The following UGT2B7 variants were observed in gnomAD, a reference collection of about 807,000 sequenced individuals.
UGT2B7 encodes UDP-glucuronosyltransferase 2B7.
Under a neutral mutation model 51.9 loss-of-function variants are expected in UGT2B7, and 51 were observed. That is an observed-to-expected ratio of 0.98 (90% CI 0.78 to 1.24). The LOEUF is 1.24. Among genes scored for constraint, UGT2B7 ranks in the 50% most tolerant of loss-of-function variants. The probability of loss-of-function intolerance (pLI) is 0.00; values close to 1 mark genes in which losing one functional copy is unlikely to be tolerated. For missense variants in UGT2B7, 727 were observed against 628.4 expected, an observed-to-expected ratio of 1.16 and a Z score of -1.68; for synonymous variants, 225 against 211.6, an observed-to-expected ratio of 1.06 and a Z score of -0.55.
chr4:69,076,171 A>G (rs1261547111), intron 1 of UGT2B7, among the ~76,000 whole-genome samples: 3 of 152,028 alleles, frequency 2.0e-5, no homozygotes, highest in Admixed American at 6.6e-5. Flanking sequence ...TCTTTATCCA[A>G]TCTATCACTG....
At chr4:69,097,657 AC>A (rs1719286790) in intron 1 of UGT2B7, among the ~76,000 whole-genome samples, 1 of 152,038 alleles carries the variant, frequency 6.6e-6, no homozygotes, top group South Asian at 2.1e-4. Flanking sequence ...TTTCTTGTAA[AC>A]TTGTTTTCTT....
chr4:69,098,583 A>G lies in UGT2B7; in HGVS notation c.765A>G (p.Val255=). The G allele has an allele frequency of 6.2e-7, 1 of 1,611,894 alleles. No individual in the cohort carries two copies. The highest frequency in any genetic ancestry group is 8.5e-7 in the Non-Finnish European group (1 of 1,178,946). ...TLSETMGKAD[V]WLIRNSWNFQ... Reference sequence around the variant, plus strand: ...CTGAGACAATGGGGAAAGCTGACGTATGGCTTATTCGAAACTCCTGGAATT... The same window carrying G: ...CTGAGACAATGGGGAAAGCTGACGTGTGGCTTATTCGAAACTCCTGGAATT... The change falls in exon 2 of 6, where the codon GTA becomes GTG. Residue 255 remains valine (V), a synonymous_variant. Transcript: ENST00000305231.
At position 69,096,745 on chromosome 4, in the gene UGT2B7, A is replaced by G; in HGVS notation, c.225A>G (p.Glu75=). The stretch of plus-strand genomic sequence containing the variant: ...ACAACTCATCCGCTCTTAAAATTGA[A>G]ATTTATCCCACATCTTTAACTAAAA... ...DPNNSSALKI[E]IYPTSLTKTE... The change falls in exon 1 of 6, where the codon GAA becomes GAG. Residue 75 remains glutamate, a synonymous_variant. Transcript: ENST00000305231. 6.2e-7 allele frequency: 1 copy of G among 1,613,980 alleles called. No homozygotes were observed. Among genetic ancestry groups the G allele is most frequent in the Non-Finnish European group, 8.5e-7 (1 of 1,179,926 alleles).
intron 1 of UGT2B7, among the ~76,000 whole-genome samples, chr4:69,074,704 TCACTG>T (rs1718666721): frequency 6.6e-6 from 1 of 152,044 alleles, no homozygotes; most frequent in Non-Finnish European, 1.5e-5. Flanking sequence ...TTAACAAAAG[TCACTG>T]CACTCTGTAA....
At chr4:69,056,031 A>G (rs1308135876) in intron 1 of UGT2B7, among the ~76,000 whole-genome samples, 2 of 151,944 alleles carry the variant, frequency 1.3e-5, no homozygotes, top group African/African-American at 4.8e-5. Context: ...CTAGATATGT[A>G]GACACAGAGC....
At chr4:69,094,362 A>G (rs1199950732), upstream of UGT2B7, among the ~76,000 whole-genome samples, 4 of 30,956 alleles carry the variant, frequency 1.3e-4, 1 homozygote, top group Admixed American at 4.9e-4. Flanking sequence ...GTTAGCCAGG[A>G]TGGTCTCGAT....
chr4:69,058,575 G>A (rs906228647), intron 1 of UGT2B7, among the ~76,000 whole-genome samples: 5 of 152,182 alleles, frequency 3.3e-5, no homozygotes, highest in Admixed American at 1.3e-4. Flanking sequence ...GTGCTTCAGG[G>A]TGCATATGAA....
intron 1 of UGT2B7, among the ~76,000 whole-genome samples, chr4:69,054,981 C>G (rs1718144180): frequency 6.6e-6 from 1 of 151,168 alleles, no homozygotes; most frequent in Non-Finnish European, 1.5e-5. Flanking sequence ...TACAATAACA[C>G]TCAGTACAAA....
intron 2 of UGT2B7, among the ~76,000 whole-genome samples, chr4:69,098,951 T>C (rs1719338121): frequency 6.6e-6 from 1 of 151,864 alleles, no homozygotes. Flanking sequence ...ATGCAATACC[T>C]AAGAAGGTAT....
intron 1 of UGT2B7, among the ~76,000 whole-genome samples, chr4:69,084,274 G>A (rs1277257462): frequency 2.6e-5 from 4 of 151,042 alleles, no homozygotes; most frequent in African/African-American, 9.8e-5. Flanking sequence ...GATTTGGTTG[G>A]CTAGAAGTTG....
chr4:69,111,868 CACA>C (rs1205024772), intron 5 of UGT2B7, among the ~76,000 whole-genome samples: 2 of 152,120 alleles, frequency 1.3e-5, no homozygotes, highest in Non-Finnish European at 2.9e-5. Flanking sequence ...AATTAAAATA[CACA>C]AATTCGATGT....
chr4:69,060,754 C>T (rs985972086), intron 1 of UGT2B7, among the ~76,000 whole-genome samples: 1 of 152,176 alleles, frequency 6.6e-6, no homozygotes, highest in African/African-American at 2.4e-5. Context: ...AGTGACAATC[C>T]AGCTACTGCA....
At chr4:69,080,184 CACA>C (rs1718804550) in intron 1 of UGT2B7, among the ~76,000 whole-genome samples, 1 of 152,032 alleles carries the variant, frequency 6.6e-6, no homozygotes. Flanking sequence ...TGTATCAAAG[CACA>C]ACAACATTAA....
At chr4:69,068,935 A>G (rs964512749) in intron 1 of UGT2B7, among the ~76,000 whole-genome samples, 6 of 152,106 alleles carry the variant, frequency 3.9e-5, no homozygotes, top group African/African-American at 7.2e-5. Flanking sequence ...TCACAATACA[A>G]GAAAAATAGT....
At chr4:69,107,144 A>C (rs757616884) in intron 3 of UGT2B7, 31 bp from the exon 4 acceptor site, 1 of 1,591,444 alleles carries the variant, frequency 6.3e-7, no homozygotes, top group South Asian at 1.1e-5. Context: ...AATTCCACTC[A>C]TGGAATAAAA....
intron 3 of UGT2B7, among the ~76,000 whole-genome samples, chr4:69,104,424 C>A (rs1240004921): frequency 4.6e-5 from 7 of 151,682 alleles, no homozygotes; most frequent in African/African-American, 1.7e-4. Context: ...TAAATATTCC[C>A]GTATGGTTAG....
rs1577921638 is a variant in UGT2B7, at chr4:69,097,335, GT to G, written c.721+98del. On this transcript the variant is annotated intron_variant, in intron 1 of 5. Transcript: ENST00000305231. ...AAAGCCATAAAGTCAGGGTAGTGGGGTTTTGGTAAGTGAATTTATAAAACAA... is the reference window on the plus strand; with the variant it reads ...AAAGCCATAAAGTCAGGGTAGTGGGGTTTGGTAAGTGAATTTATAAAACAA... 9 of 1,400,856 alleles carry G rather than the reference GT, an allele frequency of 6.4e-6. No individual in the cohort carries two copies. Among genetic ancestry groups the G allele is most frequent in the Non-Finnish European group, 5.8e-6 (6 of 1,042,124 alleles). 86.8% of individuals were successfully genotyped at this position (1,400,856 alleles called of 1,614,324 possible). A position where few individuals can be genotyped will look rare whatever the true frequency, so the allele number is the denominator to read the frequency against.
At chr4:69,110,807 A>G (rs982281891) in intron 5 of UGT2B7, among the ~76,000 whole-genome samples, 2 of 152,174 alleles carry the variant, frequency 1.3e-5, no homozygotes, top group African/African-American at 4.8e-5. Flanking sequence ...AGGTAAATCG[A>G]TATCTTCACC....
intron 1 of UGT2B7, among the ~76,000 whole-genome samples, chr4:69,079,439 A>C (rs556524248): frequency 6.6e-6 from 1 of 152,326 alleles, no homozygotes; most frequent in South Asian, 2.1e-4. Flanking sequence ...CATACGTAAC[A>C]AACCTGTACG....
Sources: allele counts gnomAD v4.1 joint callset (sites outside exome capture counted in the v4.1 genomes callset), GRCh38; gene constraint gnomAD v4.1.1; transcripts MANE v1.5; gene names NCBI Gene and HGNC (gene_info 2026-07-23, HGNC 2026-07-21).